USP36: variants seen among roughly 807,000 people sequenced by gnomAD.
USP36 encodes the protein ubiquitin specific peptidase 36.
Under a neutral mutation model 111.5 loss-of-function variants are expected in USP36, and 59 were observed. The observed-to-expected ratio is 0.53, with a 90% confidence interval of 0.43 to 0.66. USP36 has a LOEUF of 0.66. USP36 is among the 30% of genes least tolerant of loss of function. USP36 has a pLI of 0.00. For synonymous variants in USP36, 628 were observed against 581.0 expected (o/e 1.08, Z -1.16); for missense variants, 1,488 against 1,468.0 (o/e 1.01, Z -0.22).
At chr17:78,828,414 A>G (rs990688395) in intron 5 of USP36, among the ~76,000 whole-genome samples, 1 of 152,118 alleles carries the variant, frequency 6.6e-6, no homozygotes, top group African/African-American at 2.4e-5. Flanking sequence ...GAATTGGTAC[A>G]TTCCTCATCC....
intron 10 of USP36, among the ~76,000 whole-genome samples, chr17:78,817,892 G>A (rs1160656881): frequency 1.3e-5 from 2 of 152,094 alleles, no homozygotes; most frequent in Non-Finnish European, 2.9e-5. Flanking sequence ...ACCACCCTGG[G>A]CAACACAGCA....
intron 4 of USP36, among the ~76,000 whole-genome samples, chr17:78,829,446 T>G (rs914159757): frequency 6.6e-6 from 1 of 152,236 alleles, no homozygotes; most frequent in Non-Finnish European, 1.5e-5. Context: ...CCCTTAGTAG[T>G]GCCTCAGATA....
chr17:78,812,939 G>A lies in USP36; in HGVS notation c.1328C>T (p.Pro443Leu), dbSNP rs2145229132. ...ATCTGGAATCACACTCGGGCGGCCG[G>A]GAAGGGAGGAGGAGCCTGTCCTGGA... The part of the protein sequence containing the change: ...LISRTGSSSL[P>L]GRPSVIPDHS... Residue 443 changes from proline to leucine, a missense_variant, in exon 13 of 21, where the codon CCC becomes CTC. Coordinates refer to ENST00000449938, the MANE Select transcript of USP36 (RefSeq NM_001385174.1). 1 of 1,614,042 alleles carries A rather than the reference G, an allele frequency of 6.2e-7. No individual in the cohort carries two copies. The highest frequency in any genetic ancestry group is 2.2e-5 in the East Asian group (1 of 44,870).
rs139009802 is a variant in USP36 at position 78,813,784 on chromosome 17, C to T, written c.1254G>A (p.Leu418=). Residue 418 remains leucine, a synonymous_variant, in exon 12 of 21, where the codon CTG becomes CTA. Transcript: ENST00000449938. ...CGTGAGTTTATTACCGCAGATAGAA[C>T]AGCACGTAGGCCTGCTGGTTCAGAA... ...KVVLNQQAYV[L]FYLRIPGSKK... is the part of the protein sequence containing the mutation. 2.2e-4 allele frequency: 361 copies of T among 1,614,012 alleles called. 1 individual carries two copies. In the African/African-American group the frequency reaches 4.4e-3, roughly 20 times the overall value.
At chr17:78,815,249 T>C (rs556067499) in intron 10 of USP36, among the ~76,000 whole-genome samples, 4 of 152,090 alleles carry the variant, frequency 2.6e-5, no homozygotes, top group South Asian at 2.1e-4. Flanking sequence ...GGAGAATCGC[T>C]TGAAACCAGG....
chr17:78,830,780 ACT>A (rs534571915), intron 4 of USP36, among the ~76,000 whole-genome samples: 287 of 151,940 alleles, frequency 1.9e-3, no homozygotes, highest in African/African-American at 6.3e-3. Context: ...GATGTAAAAA[ACT>A]CTCCATGAGA....
At chr17:78,808,971 ATC>A (rs1178855914) in intron 13 of USP36, among the ~76,000 whole-genome samples, 2 of 152,300 alleles carry the variant, frequency 1.3e-5, no homozygotes, top group Admixed American at 1.3e-4. Flanking sequence ...TTTTCATGAA[ATC>A]TGATGCAAAA....
At chr17:78,826,778 T>C (rs1249521294) in intron 6 of USP36, 1 of 307,604 alleles carries the variant, frequency 3.3e-6, no homozygotes, top group Non-Finnish European at 6.1e-6. Flanking sequence ...CCTAAAGTTA[T>C]AAACCTCCTC....
chr17:78,800,496 T>C (rs1006739376), intron 17 of USP36, among the ~76,000 whole-genome samples: 31 of 152,206 alleles, frequency 2.0e-4, no homozygotes, highest in African/African-American at 7.2e-4. Context: ...CCCTGGAATA[T>C]ACTCACCTCC....
intron 13 of USP36, among the ~76,000 whole-genome samples, chr17:78,811,716 A>AAATT (rs1263288506): frequency 6.6e-6 from 1 of 151,976 alleles, no homozygotes; most frequent in East Asian, 1.9e-4. Flanking sequence ...AAAAATAAAA[A>AAATT]AATTAGCCAT....
chr17:78,822,668 G>A (rs1415565801), intron 6 of USP36, among the ~76,000 whole-genome samples: 2 of 152,212 alleles, frequency 1.3e-5, no homozygotes, highest in Non-Finnish European at 2.9e-5. Context: ...GGGGCTGCCT[G>A]GCGCCTCCCA....
chr17:78,790,675 C>G (rs1456905592), downstream of USP36, among the ~76,000 whole-genome samples: 1 of 152,168 alleles, frequency 6.6e-6, no homozygotes, highest in African/African-American at 2.4e-5. Flanking sequence ...GCATGAGCCA[C>G]TGCGCCCGGC....
intron 14 of USP36, among the ~76,000 whole-genome samples, chr17:78,806,635 C>T (rs557246256): frequency 9.9e-5 from 15 of 152,194 alleles, no homozygotes; most frequent in Non-Finnish European, 1.9e-4. Flanking sequence ...GCTAGGGACA[C>T]GTGCTGGTGG....
In USP36 at chr17:78,813,868, G is replaced by A. The variant is rs757956896; in HGVS notation, c.1170C>T (p.Ser390=). Residue 390 remains serine (S), a synonymous_variant, in exon 12 of 21, where the codon AGC becomes AGT. Transcript: ENST00000449938. ...AGHYYCYVKA[S]NGQWYQMNDS... ...CATTCATCTGGTACCACTGTCCATT[G>A]CTTGCCTGAAGCAGCCAAGGATGTT... The A allele has an allele frequency of 2.5e-6, 4 of 1,614,018 alleles. No individual in the cohort carries two copies. Among genetic ancestry groups the A allele is most frequent in the South Asian group, 1.1e-5 (1 of 91,050 alleles).
At chr17:78,831,806 G>A (rs552471644) in intron 4 of USP36, among the ~76,000 whole-genome samples, 38 of 151,942 alleles carry the variant, frequency 2.5e-4, no homozygotes, top group African/African-American at 8.7e-4. Flanking sequence ...AAAATTAGCT[G>A]GGCATGGTGC....
At chr17:78,822,146 AC>A in intron 6 of USP36, 142 bp from the exon 7 acceptor site, 1 of 888,486 alleles carries the variant, frequency 1.1e-6, no homozygotes, top group Non-Finnish European at 1.8e-6. Flanking sequence ...GTCACCACAG[AC>A]CCTTAACCTC....
At position 78,807,190 on chromosome 17, in the gene USP36, C is replaced by A. The variant is rs371268256; in HGVS notation, c.1854G>T (p.Ser618=). 1 of 1,614,098 alleles carries A rather than the reference C, an allele frequency of 6.2e-7. No homozygotes were observed. ...GGGCCTTGGTGGAGTCGCTGCTGGC[C>A]GAGTGCTCTGGGCTGGAGCTGCTGG... is the stretch of plus-strand genomic sequence containing the variant. ...RGSSSSSPEH[S]ASSDSTKAPQ... The change falls in exon 14 of 21, where the codon TCG becomes TCT. Residue 618 remains serine (S), a synonymous_variant. Coordinates refer to ENST00000449938, the MANE Select transcript of USP36 (RefSeq NM_001385174.1).
At chr17:78,824,163 A>T (rs2067321418) in intron 6 of USP36, among the ~76,000 whole-genome samples, 1 of 152,132 alleles carries the variant, frequency 6.6e-6, no homozygotes, top group Non-Finnish European at 1.5e-5. Flanking sequence ...AGCGCACCAG[A>T]GGTGCCAACT....
chr17:78,816,612 T>TA (rs1376292777), intron 10 of USP36, among the ~76,000 whole-genome samples: 2 of 150,940 alleles, frequency 1.3e-5, no homozygotes, highest in East Asian at 3.9e-4. Flanking sequence ...GGTGACAGAG[T>TA]AAGACTCCGT....
Sources: gnomAD v4.1 joint callset for allele counts (sites outside exome capture counted in the v4.1 genomes callset) on GRCh38, gnomAD v4.1.1 for gene constraint, MANE v1.5 for transcripts, NCBI Gene and HGNC (gene_info 2026-07-23, HGNC 2026-07-21) for gene names.